The following KCNAB2 variants were observed in gnomAD, a reference collection of about 807,000 sequenced individuals.
KCNAB2 encodes potassium voltage-gated channel subfamily A regulatory beta subunit 2.
A neutral mutation model predicts 63.6 loss-of-function variants in KCNAB2; 29 were observed. The observed-to-expected ratio is 0.46, with a 90% CI of 0.34 to 0.62. KCNAB2 has a LOEUF of 0.62. Ranked by LOEUF, KCNAB2 falls within the 20% of genes least tolerant of loss-of-function variation. KCNAB2 has a pLI of 0.01. For missense variants in KCNAB2, 359 were observed against 563.9 expected (o/e 0.64, Z 3.68); for synonymous variants, 222 against 224.2 (o/e 0.99, Z 0.09).
chr1:6,095,415 G>A lies in KCNAB2; in HGVS notation c.825G>A (p.Val275=). The stretch of plus-strand genomic sequence containing the variant: ...TGTTCCAGCGTGAGAAAGTGGAGGT[G>A]CAGCTGCCGGAGCTGTTCCACAAGA... ...YHMFQREKVE[V]QLPELFHKIG... The change falls in exon 12 of 16, where the codon GTG becomes GTA. Residue 275 remains valine, a synonymous_variant. Coordinates refer to ENST00000378083, the MANE Select transcript of KCNAB2 (RefSeq NM_001199862.2). 1 of 1,613,040 alleles carries A rather than the reference G, an allele frequency of 6.2e-7. No homozygotes were observed. Among genetic ancestry groups the A allele is most frequent in the Non-Finnish European group, 8.5e-7 (1 of 1,180,040 alleles).
In KCNAB2 at chr1:6,074,279, G is replaced by A. The variant is rs570413130; in HGVS notation, c.300+509G>A. ...CCAGCTGCCGCGAACCGTGCGGATC[G>A]CAGTCAGATGTATTTGCTGGGGCTC... is the stretch of plus-strand genomic sequence containing the variant. On this transcript the variant is annotated intron_variant, in intron 4 of 15. Transcript: ENST00000378083. This position sits in a 1 kb window ranked among gnomAD's most constrained non-coding sequence, Gnocchi z 4.9. Among the ~76,000 whole-genome samples the A allele has an allele frequency of 9.9e-5, 15 of 152,274 alleles. No individual in the cohort carries two copies. Among genetic ancestry groups the A allele is most frequent in the East Asian group, 3.9e-4 (2 of 5,178 alleles).
intron 1 of KCNAB2, among the ~76,000 whole-genome samples, chr1:6,036,439 G>C (rs754275693): frequency 3.3e-5 from 5 of 152,170 alleles, no homozygotes; most frequent in Non-Finnish European, 7.3e-5. Flanking sequence ...GGAGGCGGAG[G>C]TTGCAGTGAG....
In KCNAB2 at chr1:6,003,763, CA is replaced by C. The variant is rs1429994036; in HGVS notation, c.-53+10977del. Among the ~76,000 whole-genome samples, 1 of 152,238 alleles carries C rather than the reference CA, an allele frequency of 6.6e-6. No homozygotes were observed. The highest frequency in any genetic ancestry group is 1.5e-5 in the Non-Finnish European group (1 of 68,052). The stretch of plus-strand genomic sequence containing the variant: ...ACGTCTCCTCGTCGTCGTTTCACCG[CA>C]ACCTCGCCAGCAATGAGTATTTTCA... On this transcript the variant is annotated intron_variant, in intron 1 of 16. Coordinates refer to the KCNAB2 transcript ENST00000341524. The surrounding 1 kb of genome is among the most constrained non-coding windows in gnomAD (Gnocchi z 4.1).
At chr1:6,079,613 C>G (rs961406976) in intron 4 of KCNAB2, among the ~76,000 whole-genome samples, 1 of 152,018 alleles carries the variant, frequency 6.6e-6, no homozygotes, top group East Asian at 1.9e-4. Flanking sequence ...CTCACTGAAA[C>G]AAGCCACAAA....
chr1:6,088,928 T>C, intron 7 of KCNAB2, 80 bp from the exon 8 acceptor site: 1 of 1,345,534 alleles, frequency 7.4e-7, no homozygotes, highest in Non-Finnish European at 1.0e-6. Flanking sequence ...GCGTCTAACA[T>C]TGCATCGTAA....
rs187957703 is a variant in KCNAB2, at chr1:6,090,956, C to T, written c.602-307C>T. ...TGAAAATCGGTTTTGGTTACTTTGGCGTTTTTTATTCTTTCTACTCCTGCG... is the reference window on the plus strand; with the variant it reads ...TGAAAATCGGTTTTGGTTACTTTGGTGTTTTTTATTCTTTCTACTCCTGCG... On this transcript the variant is annotated intron_variant, in intron 9 of 15. Coordinates refer to ENST00000378083, the MANE Select transcript of KCNAB2 (RefSeq NM_001199862.2). Among the ~76,000 whole-genome samples the T allele has an allele frequency of 7.9e-4, 121 of 152,252 alleles. 1 individual carries two copies. Among genetic ancestry groups the T allele is most frequent in the South Asian group, 5.8e-3 (28 of 4,824 alleles).
intron 3 of KCNAB2, 89 bp downstream of exon 3, chr1:6,072,887 G>A: frequency 1.5e-6 from 2 of 1,335,000 alleles, no homozygotes; most frequent in Non-Finnish European, 1.1e-6. Context: ...TTGGGAGGCA[G>A]GGTGGCCCAA....
intron 1 of KCNAB2, 78 bp downstream of exon 1, chr1:6,046,261 C>T (rs1484318561): frequency 1.1e-6 from 1 of 919,386 alleles, no homozygotes; most frequent in East Asian, 1.2e-4. Flanking sequence ...TGAAAAATAA[C>T]AGAGGAGACC....
chr1:5,999,683 C>T (rs1046459844), intron 1 of KCNAB2, among the ~76,000 whole-genome samples: 4 of 152,044 alleles, frequency 2.6e-5, no homozygotes, highest in Admixed American at 6.5e-5. Context: ...ACTGATGGCC[C>T]GAGTGCTTGC....
In KCNAB2 at chr1:6,086,572, G is replaced by A. The variant is rs1406526087; in HGVS notation, c.426-895G>A. On this transcript the variant is annotated intron_variant, in intron 6 of 15. Transcript: ENST00000378083. The surrounding 1 kb of genome is among the most constrained non-coding windows in gnomAD (Gnocchi z 4.2). ...AAGCTCAGCCATGGGGCACCAGGAGGTCATTGTCACCCCCTGGGTGGGAAG... is the reference window on the plus strand; with the variant it reads ...AAGCTCAGCCATGGGGCACCAGGAGATCATTGTCACCCCCTGGGTGGGAAG... Among the ~76,000 whole-genome samples the A allele has an allele frequency of 6.6e-6, 1 of 152,144 alleles. No individual in the cohort carries two copies. Among genetic ancestry groups the A allele is most frequent in the Non-Finnish European group, 1.5e-5 (1 of 68,018 alleles).
intron 4 of KCNAB2, among the ~76,000 whole-genome samples, chr1:6,076,292 A>G (rs1191873580): frequency 1.3e-5 from 2 of 152,218 alleles, no homozygotes; most frequent in Non-Finnish European, 2.9e-5. Context: ...CACAGTTTGT[A>G]GGACACCATC....
chr1:6,015,016 CTTTTTTT>C (rs34742623), intron 1 of KCNAB2, among the ~76,000 whole-genome samples: 2 of 82,810 alleles, frequency 2.4e-5, no homozygotes, highest in African/African-American at 8.8e-5. Context: ...GGTCACCTTC[CTTTTTTT>C]TTTTTTTTTT....
In KCNAB2 at chr1:6,074,935, T is replaced by C. The variant is rs952878169; in HGVS notation, c.300+1165T>C. ...TATCACTGCACTCCAGCCTAGGCCG[T>C]AGAGTAAGACTCTGTCTCGAAAAAA... On this transcript the variant is annotated intron_variant, in intron 4 of 15. Coordinates refer to ENST00000378083, the MANE Select transcript of KCNAB2 (RefSeq NM_001199862.2). This position sits in a 1 kb window ranked among gnomAD's most constrained non-coding sequence, Gnocchi z 4.9. Among the ~76,000 whole-genome samples, 9 of 148,100 alleles carry C rather than the reference T, an allele frequency of 6.1e-5. No homozygotes were observed. The highest frequency in any genetic ancestry group is 2.0e-4 in the African/African-American group (8 of 39,156).
At position 6,003,934 on chromosome 1, in the gene KCNAB2, C is replaced by A. The variant is rs1657405876; in HGVS notation, c.-53+11146C>A. On this transcript the variant is annotated intron_variant, in intron 1 of 16. Coordinates refer to the KCNAB2 transcript ENST00000341524. This position sits in a 1 kb window ranked among gnomAD's most constrained non-coding sequence, Gnocchi z 4.1. ...AAAGCTGCCTTTCAAATTGCTGCCG[C>A]AGCGCTGCCTGGCAAGATGTTAATC... is the stretch of plus-strand genomic sequence containing the variant. Among the ~76,000 whole-genome samples, 1 of 152,220 alleles carries A rather than the reference C, an allele frequency of 6.6e-6. No homozygotes were observed. The highest frequency in any genetic ancestry group is 1.5e-5 in the Non-Finnish European group (1 of 68,036).
At chr1:6,016,026 A>G (rs972049289) in intron 1 of KCNAB2, among the ~76,000 whole-genome samples, 2 of 152,204 alleles carry the variant, frequency 1.3e-5, no homozygotes, top group Non-Finnish European at 2.9e-5. Flanking sequence ...TATTTAAAAA[A>G]GAAAGGAGAT....
At chr1:6,076,419 A>G (rs1391048036) in intron 4 of KCNAB2, among the ~76,000 whole-genome samples, 3 of 152,194 alleles carry the variant, frequency 2.0e-5, no homozygotes, top group Non-Finnish European at 4.4e-5. Context: ...CAGCCCTCCC[A>G]TTGTTAGGTG....
chr1:6,045,295 C>G, upstream of KCNAB2, among the ~76,000 whole-genome samples: 1 of 152,222 alleles, frequency 6.6e-6, no homozygotes, highest in East Asian at 1.9e-4. The surrounding 1 kb of genome is among the most constrained non-coding windows in gnomAD (Gnocchi z 4.8). Context: ...TGATGTCACG[C>G]TGGGACTTTG....
chr1:6,002,284 G>T (rs1657301502), intron 1 of KCNAB2, among the ~76,000 whole-genome samples: 1 of 152,236 alleles, frequency 6.6e-6, no homozygotes. Flanking sequence ...TCCCCAAGGG[G>T]TCTTCCCCGC....
At chr1:6,051,952 A>T (rs1424287153) in intron 2 of KCNAB2, among the ~76,000 whole-genome samples, 198 bp downstream of exon 2, 1 of 152,128 alleles carries the variant, frequency 6.6e-6, no homozygotes, top group Non-Finnish European at 1.5e-5. Flanking sequence ...AAATACAAAA[A>T]ATAGCCAGGC....
Sources: allele counts gnomAD v4.1 joint callset (sites outside exome capture counted in the v4.1 genomes callset), GRCh38; gene constraint gnomAD v4.1.1; non-coding constraint Gnocchi (gnomAD v3.1); transcripts MANE v1.5; gene names NCBI Gene and HGNC (gene_info 2026-07-23, HGNC 2026-07-21).